KRT7: variants seen among roughly 807,000 people sequenced by gnomAD.
KRT7 encodes keratin 7.
Under a neutral mutation model 42.8 loss-of-function variants are expected in KRT7, and 50 were observed. The ratio of observed to expected loss-of-function variants is 1.17; its 90% CI spans 0.93 to 1.48. The LOEUF (loss-of-function observed/expected upper bound fraction) is 1.48, where lower values mean the gene tolerates loss of function less well. KRT7 is among the 40% of genes most tolerant of loss of function. The pLI is 0.00. For missense variants in KRT7, 588 were observed against 637.6 expected, an observed-to-expected ratio of 0.92 and a Z score of 0.84; for synonymous variants, 268 against 266.3, an observed-to-expected ratio of 1.01 and a Z score of -0.06.
Position 52,239,989 on chromosome 12 carries a change from G to A in KRT7, c.693+1214G>A, listed in dbSNP as rs185970394. On this transcript the variant is annotated intron_variant, in intron 4 of 8. Transcript: ENST00000331817. ...AGCTTGTGAGGTTAATTACAAACCA[G>A]TTCTTCAGCCTAGTCTTTGCCTGAA... 7.9e-5 allele frequency among the ~76,000 whole-genome samples: 12 copies of A among 152,342 alleles called. 1 individual carries two copies. Among genetic ancestry groups the A allele is most frequent in the Admixed American group, 2.0e-4 (3 of 15,306 alleles).
At position 52,233,277 on chromosome 12, in the gene KRT7, T is replaced by C. The variant is rs768917255; in HGVS notation, c.-20T>C. On this transcript the variant is annotated 5_prime_UTR_variant, in exon 1 of 9. Coordinates refer to ENST00000331817, the MANE Select transcript of KRT7 (RefSeq NM_005556.4). Reference sequence around the variant, plus strand: ...GCGCTCCTCCTCGCCCGCCGCTAGGTCCATCCCGGCCCAGCCACCATGTCC... The same window carrying C: ...GCGCTCCTCCTCGCCCGCCGCTAGGCCCATCCCGGCCCAGCCACCATGTCC... The C allele has an allele frequency of 1.3e-6, 2 of 1,521,612 alleles. No individual in the cohort carries two copies. The highest frequency in any genetic ancestry group is 1.5e-5 in the African/African-American group (1 of 68,488). 94.3% of individuals were successfully genotyped at this position (1,521,612 alleles called of 1,614,324 possible). A position where few individuals can be genotyped will look rare whatever the true frequency, so the allele number is the denominator to read the frequency against.
intron 2 of KRT7, among the ~76,000 whole-genome samples, chr12:52,236,043 C>T (rs1287119344): frequency 6.6e-6 from 1 of 152,074 alleles, no homozygotes; most frequent in African/African-American, 2.4e-5. Context: ...TGAATAGAAA[C>T]AAAAGCCTGA....
intron 2 of KRT7, among the ~76,000 whole-genome samples, chr12:52,236,717 C>T (rs1047704041): frequency 1.3e-5 from 2 of 152,230 alleles, no homozygotes; most frequent in African/African-American, 4.8e-5. Flanking sequence ...CTTCCAGCAG[C>T]TCTTGGAACT....
At chr12:52,244,487 A>C in intron 6 of KRT7, 1 of 985,818 alleles carries the variant, frequency 1.0e-6, no homozygotes, top group Non-Finnish European at 1.2e-6. Context: ...CCAGTGTGAC[A>C]GGGCAGGGCA....
intron 5 of KRT7, 34 bp downstream of exon 5, chr12:52,241,670 C>T (rs1426476909): frequency 3.2e-6 from 5 of 1,564,602 alleles, no homozygotes; most frequent in Admixed American, 1.8e-5. Flanking sequence ...TTCCTCCTGC[C>T]AGGGTCCTTG....
downstream of KRT7, chr12:52,253,865 G>A (rs143883539): frequency 8.1e-3 from 3,546 of 438,400 alleles, 22 homozygotes; most frequent in Non-Finnish European, 0.013. Flanking sequence ...CTGCTTCTTC[G>A]ATGTCTGAAG....
At chr12:52,236,897 C>T (rs192125812) in intron 2 of KRT7, among the ~76,000 whole-genome samples, 189 of 152,242 alleles carry the variant, frequency 1.2e-3, no homozygotes, top group African/African-American at 3.9e-3. Context: ...GATCATCAGG[C>T]GGGACCTGGT....
chr12:52,243,268 C>T, intron 6 of KRT7, 131 bp downstream of exon 6: 3 of 1,037,840 alleles, frequency 2.9e-6, no homozygotes, highest in Non-Finnish European at 2.7e-6. Flanking sequence ...CTCAGACCCC[C>T]TTGTGAGATC....
downstream of KRT7, chr12:52,253,136 G>T (rs771415640): frequency 1.5e-6 from 2 of 1,357,804 alleles, no homozygotes; most frequent in South Asian, 1.2e-5. Context: ...CACTGGCAAG[G>T]GGTCTAACCC....
At chr12:52,239,922 A>G (rs1942061867) in intron 4 of KRT7, among the ~76,000 whole-genome samples, 2 of 152,306 alleles carry the variant, frequency 1.3e-5, no homozygotes, top group South Asian at 4.1e-4. Flanking sequence ...GGCAGAAGGT[A>G]GGGTGGCCAG....
intron 8 of KRT7, 53 bp from the exon 9 acceptor site, chr12:52,248,538 G>A: frequency 1.3e-6 from 2 of 1,497,952 alleles, no homozygotes; most frequent in Middle Eastern, 1.8e-4. Context: ...AAGGGATGGG[G>A]TCCCTGGTAG....
At chr12:52,233,710 G>C in intron 1 of KRT7, 90 bp downstream of exon 1, 1 of 1,309,544 alleles carries the variant, frequency 7.6e-7, no homozygotes, top group South Asian at 1.2e-5. Flanking sequence ...CGGGCCAGGC[G>C]CTGGGGAGCA....
At position 52,241,533 on chromosome 12, in the gene KRT7, G is replaced by A. The variant is rs1363342883; in HGVS notation, c.755G>A (p.Ser252Asn). Residue 252 changes from serine to asparagine, a missense_variant, in exon 5 of 9, where the codon AGT becomes AAT. Ser to Asn is a conservative substitution (Grantham distance 46). Coordinates refer to ENST00000331817, the MANE Select transcript of KRT7 (RefSeq NM_005556.4). ...DTSVVLSMDN[S>N]RSLDLDGIIA... is the part of the protein sequence containing the mutation. ...TCTGTGGTGCTGTCCATGGACAACAGTCGCTCCCTGGACCTGGACGGCATC... is the reference window on the plus strand; with the variant it reads ...TCTGTGGTGCTGTCCATGGACAACAATCGCTCCCTGGACCTGGACGGCATC... 6.2e-7 allele frequency: 1 copy of A among 1,613,930 alleles called. No homozygotes were observed. The highest frequency in any genetic ancestry group is 1.7e-4 in the Middle Eastern group (1 of 6,060).
chr12:52,239,559 A>G (rs1942056911), intron 4 of KRT7, among the ~76,000 whole-genome samples: 1 of 152,122 alleles, frequency 6.6e-6, no homozygotes, highest in Admixed American at 6.5e-5. Flanking sequence ...GGGGTGAGTC[A>G]ATCAGGATTG....
chr12:52,238,570 G>A (rs2121077517), intron 3 of KRT7, 110 bp from the exon 4 acceptor site: 1 of 714,276 alleles, frequency 1.4e-6, no homozygotes, highest in South Asian at 1.6e-5. Context: ...GGGTAGGGCA[G>A]TAGTATTTGG....
At chr12:52,253,081 G>A (rs1942290808), downstream of KRT7, 2 of 841,082 alleles carry the variant, frequency 2.4e-6, no homozygotes, top group Admixed American at 2.0e-5. Flanking sequence ...TTTCCATGGA[G>A]GAGGCTGTCT....
Position 52,243,110 on chromosome 12 carries a change from G to A in KRT7, c.957G>A (p.Gln319=). ...TGAACCGGGCCATCCAGAGGCTGCA[G>A]GCTGAGATCGACAACATCAAGAACC... ...SEMNRAIQRL[Q]AEIDNIKNQR... is the part of the protein sequence containing the mutation. The change falls in exon 6 of 9, where the codon CAG becomes CAA. Residue 319 remains glutamine, a synonymous_variant. Coordinates refer to ENST00000331817, the MANE Select transcript of KRT7 (RefSeq NM_005556.4). 6.2e-7 allele frequency: 1 copy of A among 1,613,404 alleles called. No individual in the cohort carries two copies. Among genetic ancestry groups the A allele is most frequent in the Non-Finnish European group, 8.5e-7 (1 of 1,179,630 alleles).
At chr12:52,245,725 C>A in intron 7 of KRT7, 93 bp downstream of exon 7, 1 of 1,501,224 alleles carries the variant, frequency 6.7e-7, no homozygotes, top group Non-Finnish European at 9.1e-7. Context: ...TCCTGTATGC[C>A]CCTCCTCTGC....
chr12:52,235,112 C>G (rs184489999), intron 1 of KRT7, 43 bp from the exon 2 acceptor site: 1 of 1,584,954 alleles, frequency 6.3e-7, no homozygotes, highest in Non-Finnish European at 8.7e-7. Flanking sequence ...GTGGGTGGCA[C>G]GCTCTGGCTC....
Sources: allele counts gnomAD v4.1 joint callset (sites outside exome capture counted in the v4.1 genomes callset), GRCh38; gene constraint gnomAD v4.1.1; transcripts MANE v1.5; gene names NCBI Gene and HGNC (gene_info 2026-07-23, HGNC 2026-07-21).